The following ZSWIM6 variants were observed in gnomAD, a reference collection of about 807,000 sequenced individuals.
ZSWIM6 encodes the protein zinc finger SWIM-type containing 6.
A neutral mutation model predicts 113.2 loss-of-function variants in ZSWIM6; 9 were observed. The ratio of observed to expected loss-of-function variants is 0.08; its 90% CI spans 0.05 to 0.14. The LOEUF is 0.14. Among genes scored for constraint, ZSWIM6 ranks in the 10% least tolerant of loss-of-function variants. ZSWIM6 has a pLI of 1.00. For synonymous variants in ZSWIM6, 611 were observed against 606.5 expected, an observed-to-expected ratio of 1.01 and a Z score of -0.11; for missense variants, 1,162 against 1,552.2, an observed-to-expected ratio of 0.75 and a Z score of 4.22.
chr5:61,334,816 T>C (rs1744356832), intron 1 of ZSWIM6, among the ~76,000 whole-genome samples: 1 of 152,176 alleles, frequency 6.6e-6, no homozygotes. Context: ...TAGCGATGGA[T>C]GGAAGCACAT....
At chr5:61,511,565 T>TGTGATTA (rs1270990909) in intron 4 of ZSWIM6, among the ~76,000 whole-genome samples, 1 of 152,100 alleles carries the variant, frequency 6.6e-6, no homozygotes, top group Non-Finnish European at 1.5e-5. Context: ...CCCTCGTGAA[T>TGTGATTA]GTGATTAGTG....
intron 1 of ZSWIM6, among the ~76,000 whole-genome samples, chr5:61,356,572 A>T (rs1053018343): frequency 6.0e-5 from 9 of 150,136 alleles, no homozygotes; most frequent in Non-Finnish European, 1.2e-4. Context: ...ATTCCTTTGG[A>T]CTTGGCTGTG....
chr5:61,365,623 T>A (rs1292754395), intron 1 of ZSWIM6, among the ~76,000 whole-genome samples: 1 of 152,200 alleles, frequency 6.6e-6, no homozygotes. Flanking sequence ...TTTAATCCAT[T>A]GAAGACTTTG....
In ZSWIM6 at chr5:61,454,531, C is replaced by T. The variant is rs371568868; in HGVS notation, c.677-18150C>T. On this transcript the variant is annotated intron_variant, in intron 1 of 13. Transcript: ENST00000252744. ...TCCTGCCTTGTCCTCCCAAATTGCT[C>T]GGATTATAGGTATGAGCCACCGTGC... 1.1e-4 allele frequency among the ~76,000 whole-genome samples: 17 copies of T among 149,536 alleles called. No individual in the cohort carries two copies. The East Asian group carries it at 2.7e-3, about 24-fold the overall frequency.
intron 4 of ZSWIM6, among the ~76,000 whole-genome samples, chr5:61,496,246 GC>G (rs1212110264): frequency 6.6e-6 from 1 of 151,976 alleles, no homozygotes; most frequent in Non-Finnish European, 1.5e-5. Flanking sequence ...CGTCCTGTGT[GC>G]CCCCCACCCA....
intron 12 of ZSWIM6, 62 bp from the exon 13 acceptor site, chr5:61,541,822 C>T: frequency 7.3e-7 from 1 of 1,367,008 alleles, no homozygotes; most frequent in Middle Eastern, 1.8e-4. Context: ...GTTTATCCCC[C>T]CCCTTTTTTT....
intron 1 of ZSWIM6, among the ~76,000 whole-genome samples, chr5:61,365,150 G>A (rs1745124320): frequency 6.6e-6 from 1 of 152,112 alleles, no homozygotes; most frequent in Non-Finnish European, 1.5e-5. Flanking sequence ...TCAGGAGTTC[G>A]AGAACAGCCT....
chr5:61,409,015 T>C (rs1299113700), intron 1 of ZSWIM6, among the ~76,000 whole-genome samples: 4 of 151,236 alleles, frequency 2.6e-5, no homozygotes, highest in Non-Finnish European at 4.4e-5. Flanking sequence ...AAGATTTGCG[T>C]TTCCTTGATG....
Position 61,332,603 on chromosome 5 carries a change from T to C in ZSWIM6, c.331T>C (p.Tyr111His), listed in dbSNP as rs1744277362. The change falls in exon 1 of 14, where the codon TAT (tyrosine) becomes CAT (histidine). Residue 111 changes from tyrosine (Y) to histidine (H), a missense_variant. Tyr to His is a moderately conservative substitution (Grantham distance 83). Transcript: ENST00000252744. The stretch of plus-strand genomic sequence containing the variant: ...GGAGCCGGTGCAGCGCCGCATAGTC[T>C]ATTGGTCCTTCCCCCGCAGCGAGCG... ...IPEPVQRRIV[Y>H]WSFPRSEREI... is the part of the protein sequence containing the mutation. 3 of 1,287,504 alleles carry C rather than the reference T, an allele frequency of 2.3e-6. No homozygotes were observed. The highest frequency in any genetic ancestry group is 3.0e-6 in the Non-Finnish European group (3 of 985,338). 79.8% of individuals were successfully genotyped at this position (1,287,504 alleles called of 1,614,324 possible).
chr5:61,477,159 G>A (rs891425409), intron 2 of ZSWIM6, among the ~76,000 whole-genome samples: 3 of 152,104 alleles, frequency 2.0e-5, no homozygotes, highest in African/African-American at 7.2e-5. Flanking sequence ...CTATGGGCTA[G>A]CCTGTACTGG....
chr5:61,335,750 C>T (rs774723170), intron 1 of ZSWIM6, among the ~76,000 whole-genome samples: 2 of 152,074 alleles, frequency 1.3e-5, no homozygotes, highest in Non-Finnish European at 2.9e-5. Context: ...CTTTATTTTA[C>T]ATTTATGCTG....
chr5:61,346,867 G>A (rs1296396923), intron 1 of ZSWIM6, among the ~76,000 whole-genome samples: 3 of 152,084 alleles, frequency 2.0e-5, no homozygotes, highest in Non-Finnish European at 4.4e-5. Context: ...TACTACTGTG[G>A]GGGAAAAAGC....
chr5:61,363,811 G>GA (rs1745080719), intron 1 of ZSWIM6, among the ~76,000 whole-genome samples: 1 of 151,826 alleles, frequency 6.6e-6, no homozygotes, highest in Non-Finnish European at 1.5e-5. Flanking sequence ...AGTCTCTGTA[G>GA]GATAGTTTGT....
chr5:61,375,587 AAAAG>A, intron 1 of ZSWIM6: 1 of 1,533,856 alleles, frequency 6.5e-7, no homozygotes. Context: ...GATAGTTTAA[AAAAG>A]AAAAAGAAGT....
intron 4 of ZSWIM6, among the ~76,000 whole-genome samples, chr5:61,507,078 T>C (rs552573098): frequency 6.6e-6 from 1 of 152,306 alleles, no homozygotes; most frequent in Admixed American, 6.5e-5. Flanking sequence ...GTTGTACTGC[T>C]CCTCAGCCCC....
intron 1 of ZSWIM6, among the ~76,000 whole-genome samples, chr5:61,416,323 C>T (rs1486151909): frequency 6.6e-6 from 1 of 152,146 alleles, no homozygotes; most frequent in East Asian, 1.9e-4. Flanking sequence ...CTTCATCTCC[C>T]CCTCCTCCCG....
intron 1 of ZSWIM6, among the ~76,000 whole-genome samples, chr5:61,390,266 G>A (rs1045272584): frequency 1.4e-4 from 22 of 152,214 alleles, no homozygotes; most frequent in African/African-American, 5.3e-4. Context: ...GACTAAGAAG[G>A]TTGCTGTAAT....
At chr5:61,449,169 G>A (rs1747031907) in intron 1 of ZSWIM6, among the ~76,000 whole-genome samples, 1 of 152,170 alleles carries the variant, frequency 6.6e-6, no homozygotes, top group African/African-American at 2.4e-5. Context: ...ACACCAGTAG[G>A]ATGCCCACTA....
At chr5:61,382,364 A>G (rs1447560887) in intron 1 of ZSWIM6, among the ~76,000 whole-genome samples, 3 of 152,236 alleles carry the variant, frequency 2.0e-5, no homozygotes, top group Non-Finnish European at 2.9e-5. Context: ...ATGCATTTTT[A>G]TTTATGATGA....
Sources: gnomAD v4.1 joint callset for allele counts (sites outside exome capture counted in the v4.1 genomes callset) on GRCh38, gnomAD v4.1.1 for gene constraint, MANE v1.5 for transcripts, NCBI Gene and HGNC (gene_info 2026-07-23, HGNC 2026-07-21) for gene names.